Variants in BABAM2 observed in about 807,000 individuals in gnomAD.
BABAM2 encodes the protein BRISC and BRCA1-A complex member 2.
Under a neutral mutation model 54.7 loss-of-function variants are expected in BABAM2, and 31 were observed. The ratio of observed to expected loss-of-function variants is 0.57; its 90% CI spans 0.43 to 0.77. BABAM2 has a LOEUF of 0.77. Ranked by LOEUF, BABAM2 falls within the 30% of genes least tolerant of loss-of-function variation. The pLI is 0.00. For synonymous variants in BABAM2, 167 were observed against 162.9 expected (o/e 1.03, Z -0.19); for missense variants, 364 against 455.8 (o/e 0.80, Z 1.83).
At chr2:28,311,753 G>A (rs1689106600) in intron 11 of BABAM2, among the ~76,000 whole-genome samples, 2 of 152,192 alleles carry the variant, frequency 1.3e-5, no homozygotes, top group African/African-American at 4.8e-5. Flanking sequence ...AATTGTTTAA[G>A]GTAGCTGAGC....
At chr2:28,112,258 G>A (rs1435444947) in intron 6 of BABAM2, among the ~76,000 whole-genome samples, 1 of 138,862 alleles carries the variant, frequency 7.2e-6, no homozygotes, top group African/African-American at 2.7e-5. Context: ...TGCAGAATGT[G>A]CAGGTTTGTT....
chr2:28,002,353 C>G (rs1328022491), intron 4 of BABAM2, among the ~76,000 whole-genome samples: 1 of 152,122 alleles, frequency 6.6e-6, no homozygotes, highest in African/African-American at 2.4e-5. Flanking sequence ...CATTATTGCT[C>G]TGGGGAATAG....
At chr2:28,234,793 G>T (rs1406556320) in intron 7 of BABAM2, among the ~76,000 whole-genome samples, 1 of 152,120 alleles carries the variant, frequency 6.6e-6, no homozygotes, top group Non-Finnish European at 1.5e-5. Context: ...AGAACCTTCT[G>T]GTTAGATGTG....
At chr2:28,185,789 T>C (rs1206583731) in intron 7 of BABAM2, among the ~76,000 whole-genome samples, 1 of 152,130 alleles carries the variant, frequency 6.6e-6, no homozygotes, top group Admixed American at 6.5e-5. Flanking sequence ...CATTGTTTAA[T>C]CTTCTTGTGC....
chr2:28,067,077 ATGTG>A, intron 6 of BABAM2, among the ~76,000 whole-genome samples: 1 of 152,152 alleles, frequency 6.6e-6, no homozygotes, highest in Non-Finnish European at 1.5e-5. Flanking sequence ...GATTACAGGC[ATGTG>A]CCACCACGCC....
Position 28,025,419 on chromosome 2 carries a change from G to A in BABAM2, c.494G>A (p.Trp165Ter). 1 of 1,561,656 alleles carries A rather than the reference G, an allele frequency of 6.4e-7. No homozygotes were observed. Among genetic ancestry groups the A allele is most frequent in the Non-Finnish European group, 8.6e-7 (1 of 1,161,694 alleles). The change falls in exon 5 of 12, where the codon TGG becomes TAG. Residue 165 changes from tryptophan to a stop codon, truncating the protein, a stop_gained and splice_region_variant. Transcript: ENST00000379624. LOFTEE classifies it high-confidence loss of function. ...MEIYAGKKNN[W>*]TGEFSARFLL... is the part of the protein sequence containing the mutation. ...ATTTATGCTGGGAAAAAAAACAACTGGGTAAGGATTTTTGAGAATGGAAAA... is the reference window on the plus strand; with the variant it reads ...ATTTATGCTGGGAAAAAAAACAACTAGGTAAGGATTTTTGAGAATGGAAAA...
At chr2:28,027,243 A>C (rs1181684028) in intron 5 of BABAM2, among the ~76,000 whole-genome samples, 1 of 151,296 alleles carries the variant, frequency 6.6e-6, no homozygotes, top group Non-Finnish European at 1.5e-5. Context: ...CATGGCTAAT[A>C]CTCTTCCTTC....
chr2:27,921,687 A>G (rs1402992855), intron 2 of BABAM2, among the ~76,000 whole-genome samples: 3 of 152,232 alleles, frequency 2.0e-5, no homozygotes, highest in Non-Finnish European at 4.4e-5. Context: ...TAATATAATT[A>G]AAGAGCTTAG....
intron 6 of BABAM2, among the ~76,000 whole-genome samples, chr2:28,055,458 G>T (rs1678330155): frequency 6.6e-6 from 1 of 152,066 alleles, no homozygotes; most frequent in Non-Finnish European, 1.5e-5. Flanking sequence ...TTATGACAGA[G>T]TTATGTTTAC....
intron 10 of BABAM2, among the ~76,000 whole-genome samples, chr2:28,248,283 C>T (rs1265265843): frequency 7.5e-6 from 1 of 132,470 alleles, no homozygotes; most frequent in Non-Finnish European, 1.5e-5. Context: ...GATCTCGGCT[C>T]ACTGCAACCT....
intron 7 of BABAM2, among the ~76,000 whole-genome samples, chr2:28,143,029 G>C (rs1671193417): frequency 6.6e-6 from 1 of 152,066 alleles, no homozygotes; most frequent in South Asian, 2.1e-4. Flanking sequence ...TCTTAAAAGT[G>C]TAGATTAACT....
chr2:28,245,879 G>A (rs1294552425), intron 10 of BABAM2, among the ~76,000 whole-genome samples: 4 of 152,066 alleles, frequency 2.6e-5, no homozygotes, highest in Admixed American at 6.6e-5. Flanking sequence ...TACCTTCTTC[G>A]TTATGATTTG....
At chr2:27,975,264 G>C (rs1055310189) in intron 3 of BABAM2, among the ~76,000 whole-genome samples, 1 of 151,928 alleles carries the variant, frequency 6.6e-6, no homozygotes, top group Non-Finnish European at 1.5e-5. Flanking sequence ...TAAAATTTAC[G>C]TGGGAAGCAA....
At chr2:27,949,217 G>A (rs1669522210) in intron 3 of BABAM2, among the ~76,000 whole-genome samples, 1 of 152,222 alleles carries the variant, frequency 6.6e-6, no homozygotes, top group South Asian at 2.1e-4. Context: ...GAAAATGACA[G>A]CACATCTTAA....
At chr2:28,188,534 G>A (rs1042173430) in intron 7 of BABAM2, among the ~76,000 whole-genome samples, 7 of 152,222 alleles carry the variant, frequency 4.6e-5, no homozygotes, top group African/African-American at 1.7e-4. Flanking sequence ...ACAGCTGCCT[G>A]TATCCCGTAA....
intron 4 of BABAM2, among the ~76,000 whole-genome samples, chr2:27,990,135 C>T (rs879298983): frequency 6.6e-6 from 1 of 152,282 alleles, no homozygotes; most frequent in Middle Eastern, 3.4e-3. Context: ...AGTTCATCTA[C>T]GGCCTTGGGT....
Position 28,338,650 on chromosome 2 carries a change from G to A in BABAM2, c.*137G>A, listed in dbSNP as rs1168048678. 1.2e-5 allele frequency: 12 copies of A among 1,009,648 alleles called. No individual in the cohort carries two copies. The highest frequency in any genetic ancestry group is 1.7e-5 in the Non-Finnish European group (11 of 663,806). The allele number at this position is 1,009,648 out of a possible 1,614,324, so 62.5% of individuals were successfully genotyped here. ...CACACAGCAGCTTTTGCACGCCCCA[G>A]GCAGCCCCGACTGCTGAAATCCAAC... is the stretch of plus-strand genomic sequence containing the variant. On this transcript the variant is annotated 3_prime_UTR_variant, in exon 12 of 12. Coordinates refer to ENST00000379624, the MANE Select transcript of BABAM2 (RefSeq NM_199191.3).
At chr2:28,218,778 C>A (rs1198609469) in intron 7 of BABAM2, among the ~76,000 whole-genome samples, 1 of 152,160 alleles carries the variant, frequency 6.6e-6, no homozygotes, top group Non-Finnish European at 1.5e-5. Context: ...ATTGATGATT[C>A]TTCAGCTGCA....
intron 3 of BABAM2, among the ~76,000 whole-genome samples, chr2:27,960,527 C>T (rs561941863): frequency 4.6e-5 from 7 of 151,988 alleles, no homozygotes; most frequent in South Asian, 4.2e-4. Context: ...TTGTCTGTGT[C>T]GAGCTGTGCC....
Sources: allele counts gnomAD v4.1 joint callset (sites outside exome capture counted in the v4.1 genomes callset), GRCh38; gene constraint gnomAD v4.1.1; transcripts MANE v1.5; gene names NCBI Gene and HGNC (gene_info 2026-07-23, HGNC 2026-07-21).